The following MACROH2A2 variants were observed in gnomAD, a reference collection of about 807,000 sequenced individuals.
MACROH2A2 encodes the protein core histone macro-H2A.2.
MACROH2A2 carries 6 observed loss-of-function variants against 37.6 expected under a neutral mutation model. That is an observed-to-expected ratio of 0.16 (90% CI 0.09 to 0.32). MACROH2A2 has a LOEUF of 0.32. Among genes scored for constraint, MACROH2A2 ranks in the 10% least tolerant of loss-of-function variants. The pLI, the probability that MACROH2A2 is intolerant of heterozygous loss-of-function variation, is 1.00. For synonymous variants in MACROH2A2, 192 were observed against 202.7 expected, an observed-to-expected ratio of 0.95 and a Z score of 0.45; for missense variants, 290 against 485.9, an observed-to-expected ratio of 0.60 and a Z score of 3.79.
chr10:70,110,701 A>G (rs1011469348), intron 8 of MACROH2A2, among the ~76,000 whole-genome samples: 2 of 151,878 alleles, frequency 1.3e-5, no homozygotes, highest in African/African-American at 4.8e-5. Context: ...CCTGGGCAAC[A>G]TAACAAGACC....
intron 3 of MACROH2A2, among the ~76,000 whole-genome samples, chr10:70,090,512 CTCTT>C (rs1230224906): frequency 6.6e-6 from 1 of 152,218 alleles, no homozygotes; most frequent in Admixed American, 6.5e-5. Flanking sequence ...AGGCAGAAGA[CTCTT>C]TATATTTTAG....
chr10:70,062,174 T>A lies in MACROH2A2; in HGVS notation c.-60+9174T>A, dbSNP rs2072054274. Among the ~76,000 whole-genome samples, 3 of 152,240 alleles carry A rather than the reference T, an allele frequency of 2.0e-5. 1 individual carries two copies. In the South Asian group the frequency reaches 6.2e-4, roughly 31 times the overall value. ...TCATACCCTTTAAAATATATTTCAA[T>A]GTATAGTTAATATATTTATATTGAA... On this transcript the variant is annotated intron_variant, in intron 1 of 8. Transcript: ENST00000373255.
intron 2 of MACROH2A2, among the ~76,000 whole-genome samples, chr10:70,079,907 C>T (rs1483260115): frequency 6.6e-6 from 1 of 152,128 alleles, no homozygotes; most frequent in Non-Finnish European, 1.5e-5. Context: ...TAGCTACTTT[C>T]TCTCAGGCCA....
In MACROH2A2 at chr10:70,105,161, T is replaced by C. The variant is rs556497662; in HGVS notation, c.779-3872T>C. Among the ~76,000 whole-genome samples the C allele has an allele frequency of 1.1e-4, 17 of 152,334 alleles. No homozygotes were observed. The South Asian group carries it at 3.5e-3, about 32-fold the overall frequency. ...ATTGGAGCACCTGCCTGCCAGTGAC[T>C]GTGGCAGGAGCCAGGCAGCAGCAAG... is the stretch of plus-strand genomic sequence containing the variant. On this transcript the variant is annotated intron_variant, in intron 7 of 8. Transcript: ENST00000373255.
intron 2 of MACROH2A2, among the ~76,000 whole-genome samples, chr10:70,080,059 C>T (rs1447825640): frequency 6.6e-6 from 1 of 152,096 alleles, no homozygotes; most frequent in African/African-American, 2.4e-5. Flanking sequence ...GCGGGCAGAT[C>T]ACCTGAGGTC....
Position 70,111,805 on chromosome 10 carries a change from C to A in MACROH2A2, c.*122C>A. The A allele has an allele frequency of 1.3e-6, 1 of 767,314 alleles. No individual in the cohort carries two copies. Among genetic ancestry groups the A allele is most frequent in the Non-Finnish European group, 1.9e-6 (1 of 518,134 alleles). 47.5% of individuals were successfully genotyped at this position (767,314 alleles called of 1,614,324 possible). On this transcript the variant is annotated 3_prime_UTR_variant, in exon 9 of 9. Transcript: ENST00000373255. Reference sequence around the variant, plus strand: ...TGGAGGGTGGCCGGGCAGGTCCTGCCGGCGCAGGGAGCCCTCTGCCCTTCA... The same window carrying A: ...TGGAGGGTGGCCGGGCAGGTCCTGCAGGCGCAGGGAGCCCTCTGCCCTTCA...
intron 2 of MACROH2A2, among the ~76,000 whole-genome samples, chr10:70,084,295 G>T (rs980029835): frequency 6.6e-6 from 1 of 152,206 alleles, no homozygotes; most frequent in Middle Eastern, 3.2e-3. Flanking sequence ...ACATTTAAGG[G>T]AATATCATTC....
At chr10:70,084,236 TG>T (rs1433631379) in intron 2 of MACROH2A2, among the ~76,000 whole-genome samples, 1 of 152,200 alleles carries the variant, frequency 6.6e-6, no homozygotes, top group African/African-American at 2.4e-5. Flanking sequence ...AAGATTACTT[TG>T]ACCACCAGCA....
chr10:70,108,946 C>T (rs995932934), intron 7 of MACROH2A2, 87 bp from the exon 8 acceptor site: 38 of 1,198,014 alleles, frequency 3.2e-5, no homozygotes, highest in Non-Finnish European at 4.5e-5. Context: ...GCCTTATCTC[C>T]AGATCTAACA....
chr10:70,111,431 C>A, intron 8 of MACROH2A2, 87 bp from the exon 9 acceptor site: 1 of 1,185,540 alleles, frequency 8.4e-7, no homozygotes, highest in Non-Finnish European at 1.2e-6. Context: ...CACAGCAAGG[C>A]CCCACCCAGT....
rs1353129406 is a variant in MACROH2A2 at position 70,079,632 on chromosome 10, G to A, written c.172+3802G>A. On this transcript the variant is annotated intron_variant, in intron 2 of 8. Transcript: ENST00000373255. Reference sequence around the variant, plus strand: ...GGCAGAGGAGGCATCAAAGAGAGGTGGCAGCATCTGCAAGGCATCACTCTG... The same window carrying A: ...GGCAGAGGAGGCATCAAAGAGAGGTAGCAGCATCTGCAAGGCATCACTCTG... Among the ~76,000 whole-genome samples the A allele has an allele frequency of 2.0e-5, 3 of 149,018 alleles. No individual in the cohort carries two copies. The East Asian group carries it at 5.9e-4, about 29-fold the overall frequency.
chr10:70,089,780 A>G (rs937146466), intron 2 of MACROH2A2, among the ~76,000 whole-genome samples: 3 of 151,210 alleles, frequency 2.0e-5, no homozygotes, highest in Non-Finnish European at 4.4e-5. Context: ...TTTTTTAGAG[A>G]CAGGGTCTCA....
Position 70,053,206 on chromosome 10 carries a change from A to AG in MACROH2A2, c.-60+213dup, listed in dbSNP as rs943241001. 2.6e-5 allele frequency among the ~76,000 whole-genome samples: 4 copies of AG among 152,226 alleles called. No individual in the cohort carries two copies. Among genetic ancestry groups the AG allele is most frequent in the African/African-American group, 4.8e-5 (2 of 41,552 alleles). ...CCCAACTTGCTTCCTTGGGCGATAA[A>AG]GGGGGGGCTGCTAAAGAAGTGGTCA... On this transcript the variant is annotated intron_variant, in intron 1 of 8. Transcript: ENST00000373255. This position sits in a 1 kb window ranked among gnomAD's most constrained non-coding sequence, Gnocchi z 4.8.
At chr10:70,100,961 T>G (rs1219897505) in intron 7 of MACROH2A2, among the ~76,000 whole-genome samples, 1 of 152,152 alleles carries the variant, frequency 6.6e-6, no homozygotes, top group Non-Finnish European at 1.5e-5. Context: ...ATTAAGTACT[T>G]TTACAGTGTC....
intron 7 of MACROH2A2, among the ~76,000 whole-genome samples, chr10:70,106,880 A>G (rs1409665378): frequency 2.6e-5 from 4 of 152,016 alleles, no homozygotes; most frequent in Non-Finnish European, 4.4e-5. Context: ...TTTAAAATAT[A>G]TGAAATAAAT....
At chr10:70,111,301 C>T (rs1179537181) in intron 8 of MACROH2A2, among the ~76,000 whole-genome samples, 1 of 152,108 alleles carries the variant, frequency 6.6e-6, no homozygotes, top group Admixed American at 6.5e-5. Flanking sequence ...CAAATTAAAT[C>T]ATTGTGCCTC....
chr10:70,092,029 CA>C (rs2072248441), intron 4 of MACROH2A2, 75 bp downstream of exon 4: 1 of 1,226,554 alleles, frequency 8.2e-7, no homozygotes, highest in Non-Finnish European at 1.2e-6. Context: ...CCCCACAATT[CA>C]TATGTTGAAA....
chr10:70,079,565 G>GCGCACACACACACA (rs1386558755), intron 2 of MACROH2A2, among the ~76,000 whole-genome samples: 35 of 126,258 alleles, frequency 2.8e-4, no homozygotes, highest in South Asian at 5.5e-4. Flanking sequence ...GCGCGCGCGC[G>GCGCACACACACACA]CACACACACA....
Position 70,079,215 on chromosome 10 carries a change from G to A in MACROH2A2, c.172+3385G>A, listed in dbSNP as rs762307730. ...CAGGTTGTCAACCCTGCATTTTCTC[G>A]TATCGATTGATTTCAAATCCTGATG... On this transcript the variant is annotated intron_variant, in intron 2 of 8. Transcript: ENST00000373255. Among the ~76,000 whole-genome samples, 5 of 152,156 alleles carry A rather than the reference G, an allele frequency of 3.3e-5. No individual in the cohort carries two copies. The East Asian group carries it at 5.8e-4, about 18-fold the overall frequency.
Sources: allele counts gnomAD v4.1 joint callset (sites outside exome capture counted in the v4.1 genomes callset), GRCh38; gene constraint gnomAD v4.1.1; non-coding constraint Gnocchi (gnomAD v3.1); transcripts MANE v1.5; gene names NCBI Gene and HGNC (gene_info 2026-07-23, HGNC 2026-07-21).